The following QTMAN variants were observed in gnomAD, a reference collection of about 807,000 sequenced individuals.
QTMAN encodes tRNA-queuosine alpha-mannosyltransferase.
chr2:144,088,902 C>G, the QTMAN span, among the ~76,000 whole-genome samples: 1 of 151,934 alleles, frequency 6.6e-6, no homozygotes, highest in Non-Finnish European at 1.5e-5. Context: ...CTCCTGGACA[C>G]TGGCCAAGGC....
chr2:144,026,886 G>A, the QTMAN span, among the ~76,000 whole-genome samples: 419 of 152,282 alleles, frequency 2.8e-3, 3 homozygotes, highest in African/African-American at 9.7e-3. Context: ...TGATTTGTAA[G>A]CATTCTTCCC....
At chr2:143,975,635 C>T in the QTMAN span, among the ~76,000 whole-genome samples, 5 of 152,168 alleles carry the variant, frequency 3.3e-5, no homozygotes, top group Non-Finnish European at 5.9e-5. Context: ...TACTTCTGGC[C>T]AATGGAGTGA....
the QTMAN span, among the ~76,000 whole-genome samples, chr2:144,186,038 G>C: frequency 1.3e-5 from 2 of 152,198 alleles, no homozygotes; most frequent in Non-Finnish European, 1.5e-5. Context: ...GGATGATTCA[G>C]ATCAGTTGAG....
the QTMAN span, among the ~76,000 whole-genome samples, chr2:144,287,475 T>C: frequency 6.6e-6 from 1 of 152,012 alleles, no homozygotes; most frequent in Non-Finnish European, 1.5e-5. Flanking sequence ...TGGTATTGTA[T>C]GAACATAATA....
the QTMAN span, chr2:143,943,436 C>T: frequency 6.6e-6 from 1 of 152,182 alleles, no homozygotes; most frequent in Non-Finnish European, 1.5e-5. Flanking sequence ...ATAAGACCCA[C>T]AGTGTATGTC....
the QTMAN span, among the ~76,000 whole-genome samples, chr2:144,299,485 T>C: frequency 6.6e-6 from 1 of 152,210 alleles, no homozygotes; most frequent in Non-Finnish European, 1.5e-5. Context: ...TCTATATATA[T>C]ATTTTGGAAA....
At chr2:144,121,314 T>C in the QTMAN span, among the ~76,000 whole-genome samples, 1 of 152,090 alleles carries the variant, frequency 6.6e-6, no homozygotes, top group Admixed American at 6.6e-5. Context: ...ACTAACTACC[T>C]CCACCTGGCA....
At chr2:143,999,691 CCACTGT>C in the QTMAN span, among the ~76,000 whole-genome samples, 12 of 151,998 alleles carry the variant, frequency 7.9e-5, no homozygotes, top group Non-Finnish European at 1.5e-4. Flanking sequence ...TAAGTGAAGT[CCACTGT>C]AAGAATCTGA....
the QTMAN span, among the ~76,000 whole-genome samples, chr2:143,991,780 A>G: frequency 1.9e-5 from 2 of 103,726 alleles, no homozygotes; most frequent in Admixed American, 9.8e-5. Flanking sequence ...TCTGGGAGGG[A>G]GGTGGGGGGT....
At chr2:144,056,429 G>C in the QTMAN span, among the ~76,000 whole-genome samples, 1 of 152,150 alleles carries the variant, frequency 6.6e-6, no homozygotes, top group Non-Finnish European at 1.5e-5. Flanking sequence ...TCAGGGTCAC[G>C]AGCCCCTCTC....
At chr2:144,263,223 C>T in the QTMAN span, among the ~76,000 whole-genome samples, 1 of 150,912 alleles carries the variant, frequency 6.6e-6, no homozygotes, top group African/African-American at 2.4e-5. Context: ...AGATCTAAGA[C>T]ATTTAAAACT....
the QTMAN span, among the ~76,000 whole-genome samples, chr2:144,197,167 T>C: frequency 6.6e-6 from 1 of 152,142 alleles, no homozygotes; most frequent in African/African-American, 2.4e-5. Flanking sequence ...AACACAATGG[T>C]ATTTGTGTAT....
the QTMAN span, among the ~76,000 whole-genome samples, chr2:143,948,114 A>G: frequency 6.6e-6 from 1 of 152,216 alleles, no homozygotes; most frequent in Non-Finnish European, 1.5e-5. Flanking sequence ...TTTAAGCTCA[A>G]ATTAAAAGGG....
the QTMAN span, among the ~76,000 whole-genome samples, chr2:144,293,519 G>C: frequency 1.3e-5 from 2 of 152,094 alleles, no homozygotes; most frequent in Non-Finnish European, 2.9e-5. Context: ...CCATGGTAAG[G>C]CTCTAAAGAC....
the QTMAN span, among the ~76,000 whole-genome samples, chr2:144,251,032 G>T: frequency 1.3e-5 from 2 of 151,938 alleles, no homozygotes; most frequent in Non-Finnish European, 2.9e-5. Context: ...AGTTTAAAAT[G>T]AACTTATAAT....
At chr2:144,296,424 T>G in the QTMAN span, among the ~76,000 whole-genome samples, 1 of 152,222 alleles carries the variant, frequency 6.6e-6, no homozygotes, top group African/African-American at 2.4e-5. Flanking sequence ...AGTGTAGTAT[T>G]TTATTGACTT....
chr2:144,269,984 A>G, the QTMAN span, among the ~76,000 whole-genome samples: 873 of 152,308 alleles, frequency 5.7e-3, 6 homozygotes, highest in African/African-American at 0.02. Context: ...ATTATTTTAT[A>G]GTTTAGATGG....
chr2:144,017,613 C>T, the QTMAN span, among the ~76,000 whole-genome samples: 1 of 152,138 alleles, frequency 6.6e-6, no homozygotes, highest in Non-Finnish European at 1.5e-5. Flanking sequence ...AAAGTCTTTT[C>T]TATAAGAATC....
At chr2:144,082,123 C>A in the QTMAN span, among the ~76,000 whole-genome samples, 2 of 152,216 alleles carry the variant, frequency 1.3e-5, no homozygotes, top group East Asian at 3.9e-4. Context: ...AACTCCTGGG[C>A]TTAGGATCCC....
Sources: gnomAD v4.1 joint callset for allele counts (sites outside exome capture counted in the v4.1 genomes callset) on GRCh38, gnomAD v4.1.1 for gene constraint, MANE v1.5 for transcripts, NCBI Gene and HGNC (gene_info 2026-07-23, HGNC 2026-07-21) for gene names.